Variants in WDR59 observed in about 807,000 individuals in gnomAD.
WDR59 encodes GATOR2 complex protein WDR59.
A neutral mutation model predicts 131.2 loss-of-function variants in WDR59; 100 were observed. The observed-to-expected ratio is 0.76, with a 90% CI of 0.65 to 0.90. The LOEUF is 0.90. WDR59 is among the 40% of genes least tolerant of loss of function. WDR59 has a pLI of 0.00. For synonymous variants in WDR59, 601 were observed against 466.2 expected (o/e 1.29, Z -3.72); for missense variants, 1,203 against 1,262.2 (o/e 0.95, Z 0.71).
chr16:74,916,822 G>A (rs1490545443), intron 11 of WDR59, among the ~76,000 whole-genome samples: 1 of 148,316 alleles, frequency 6.7e-6, no homozygotes, highest in Non-Finnish European at 1.5e-5. Flanking sequence ...TCACGTGGCT[G>A]CACTCCAGCC....
intron 9 of WDR59, among the ~76,000 whole-genome samples, chr16:74,922,659 G>C (rs2030361851): frequency 6.6e-6 from 1 of 152,164 alleles, no homozygotes; most frequent in South Asian, 2.1e-4. Context: ...GGGTAGCTAA[G>C]GGTTCCATTC....
At chr16:74,877,229 T>C (rs1176837327) in intron 25 of WDR59, among the ~76,000 whole-genome samples, 1 of 151,944 alleles carries the variant, frequency 6.6e-6, no homozygotes, top group African/African-American at 2.4e-5. Flanking sequence ...GTTTTGTGTA[T>C]ATCTCAAAAC....
rs959054330 is a variant in WDR59, at chr16:74,871,480, A to G, written c.*2729T>C. 11 of 152,268 alleles carry G rather than the reference A, an allele frequency of 7.2e-5. No individual in the cohort carries two copies. Among genetic ancestry groups the G allele is most frequent in the Non-Finnish European group, 2.9e-5 (2 of 68,052 alleles). 9.4% of individuals were successfully genotyped at this position (152,268 alleles called of 1,614,324 possible). On this transcript the variant is annotated 3_prime_UTR_variant, in exon 26 of 26. Transcript: ENST00000262144. ...AAAATATTAGACTTTTGTTCTGGTA[A>G]CTTGGAAATTCAAAAGGAATTTCCG...
chr16:74,945,102 C>T (rs780470849), intron 6 of WDR59, among the ~76,000 whole-genome samples: 11 of 151,606 alleles, frequency 7.3e-5, no homozygotes, highest in South Asian at 6.3e-4. Context: ...ATAGCCTGGC[C>T]GACAGAGCAA....
intron 1 of WDR59, among the ~76,000 whole-genome samples, chr16:74,981,375 C>CAG (rs1555506895): frequency 2.9e-5 from 4 of 135,726 alleles, no homozygotes; most frequent in African/African-American, 1.1e-4. Flanking sequence ...GACTCTGTCT[C>CAG]AAAAAAAAAA....
intron 18 of WDR59, among the ~76,000 whole-genome samples, chr16:74,901,981 A>C (rs1450409441): frequency 1.3e-5 from 2 of 152,182 alleles, no homozygotes; most frequent in African/African-American, 4.8e-5. Context: ...TTGTTAACCT[A>C]TTAAGTTGAA....
chr16:74,917,019 A>T (rs968096948), intron 11 of WDR59, among the ~76,000 whole-genome samples: 4 of 152,188 alleles, frequency 2.6e-5, no homozygotes, highest in Non-Finnish European at 5.9e-5. Flanking sequence ...AGTATTTTCT[A>T]TTCATTCTGT....
chr16:74,906,843 C>T (rs148184182), intron 17 of WDR59, among the ~76,000 whole-genome samples: 105 of 152,150 alleles, frequency 6.9e-4, no homozygotes, highest in African/African-American at 2.3e-3. Flanking sequence ...TGCTGAAGGG[C>T]GGGGAAAAGG....
chr16:74,901,650 T>C (rs372485607), intron 18 of WDR59, among the ~76,000 whole-genome samples: 4 of 144,904 alleles, frequency 2.8e-5, no homozygotes, highest in East Asian at 3.9e-4. Flanking sequence ...GCCCCATCTC[T>C]TAAAAAAAAA....
intron 11 of WDR59, 98 bp from the exon 12 acceptor site, chr16:74,916,357 G>A: frequency 1.3e-6 from 2 of 1,482,864 alleles, no homozygotes; most frequent in East Asian, 4.5e-5. Context: ...GAAGGGCAAA[G>A]GATGGGGATG....
intron 2 of WDR59, among the ~76,000 whole-genome samples, chr16:74,960,935 T>C (rs1166105589): frequency 6.6e-6 from 1 of 152,050 alleles, no homozygotes; most frequent in East Asian, 1.9e-4. Flanking sequence ...TACATGAGTA[T>C]ATATATTTGT....
chr16:74,905,732 A>C (rs1490886791), intron 17 of WDR59, among the ~76,000 whole-genome samples: 1 of 151,480 alleles, frequency 6.6e-6, no homozygotes, highest in Non-Finnish European at 1.5e-5. Context: ...AAAATAAATA[A>C]AATTAAAAAG....
chr16:74,929,916 A>G (rs1282909081), intron 8 of WDR59, among the ~76,000 whole-genome samples: 1 of 152,240 alleles, frequency 6.6e-6, no homozygotes, highest in Admixed American at 6.5e-5. Flanking sequence ...TGTTCAGTGA[A>G]ACAAGCCAGG....
At chr16:74,888,060 G>C (rs1335930417) in intron 22 of WDR59, 109 bp downstream of exon 22, 1 of 1,359,526 alleles carries the variant, frequency 7.4e-7, no homozygotes, top group Non-Finnish European at 9.8e-7. Flanking sequence ...GGAGGTTGCA[G>C]TGAGCTGAGA....
In WDR59 at chr16:74,888,238, C is replaced by T; in HGVS notation, c.2277G>A (p.Gln759=). The change falls in exon 22 of 26, where the codon CAG becomes CAA. Residue 759 remains glutamine (Q), a synonymous_variant. Transcript: ENST00000262144. ...CSVFEAQSRP[Q]GLPNPFGPFP... ...AAGGCCCAAAGGGGTTTGGTAGCCC[C>T]TGAGGCCGAGACTGGGCTTCAAACA... 1 of 1,614,114 alleles carries T rather than the reference C, an allele frequency of 6.2e-7. No homozygotes were observed.
At chr16:74,932,538 G>C (rs2031479649) in intron 8 of WDR59, among the ~76,000 whole-genome samples, 1 of 151,968 alleles carries the variant, frequency 6.6e-6, no homozygotes, top group South Asian at 2.1e-4. Context: ...ACCCAGGTTG[G>C]AGTGCAGTGG....
At chr16:74,976,787 G>C (rs1389792116) in intron 1 of WDR59, among the ~76,000 whole-genome samples, 1 of 152,132 alleles carries the variant, frequency 6.6e-6, no homozygotes, top group Non-Finnish European at 1.5e-5. Context: ...GGAGGCCATG[G>C]TAGGTGGATC....
At chr16:74,936,002 A>T (rs1469019175) in intron 8 of WDR59, among the ~76,000 whole-genome samples, 1 of 152,126 alleles carries the variant, frequency 6.6e-6, no homozygotes, top group Non-Finnish European at 1.5e-5. Context: ...ACCTCAAAAA[A>T]AAAAAAAAAA....
intron 1 of WDR59, among the ~76,000 whole-genome samples, chr16:74,976,725 G>C (rs1256061281): frequency 1.3e-5 from 2 of 152,166 alleles, no homozygotes; most frequent in Admixed American, 1.3e-4. Flanking sequence ...ACAGGTGTGA[G>C]CGACCAAGCC....
Sources: allele counts gnomAD v4.1 joint callset (sites outside exome capture counted in the v4.1 genomes callset), GRCh38; gene constraint gnomAD v4.1.1; transcripts MANE v1.5; gene names NCBI Gene and HGNC (gene_info 2026-07-23, HGNC 2026-07-21).